The following COL9A1 variants were observed in gnomAD, a reference collection of about 807,000 sequenced individuals.
COL9A1 encodes the protein collagen alpha-1(IX) chain.
In COL9A1, 104 loss-of-function variants were observed where a neutral mutation model predicts 142.6. The observed-to-expected ratio is 0.73, with a 90% CI of 0.62 to 0.86. The LOEUF is 0.86. Ranked by LOEUF, COL9A1 falls within the 40% of genes least tolerant of loss-of-function variation. The pLI, the probability that COL9A1 is intolerant of heterozygous loss-of-function variation, is 0.00. For missense variants in COL9A1, 1,210 were observed against 1,176.6 expected (o/e 1.03, Z -0.42); for synonymous variants, 466 against 396.0 (o/e 1.18, Z -2.10).
intron 5 of COL9A1, among the ~76,000 whole-genome samples, chr6:70,284,948 G>A (rs1206249739): frequency 6.6e-6 from 1 of 152,178 alleles, no homozygotes; most frequent in Non-Finnish European, 1.5e-5. Context: ...CCACAGTTGA[G>A]ATCACTGGAC....
chr6:70,217,116 A>G (rs765545489), intron 37 of COL9A1, 35 bp from the exon 38 acceptor site: 1 of 1,610,290 alleles, frequency 6.2e-7, no homozygotes, highest in East Asian at 2.2e-5. Context: ...TGTGAACAGG[A>G]GAATCCTCAT....
chr6:70,274,237 C>A (rs1772600743), intron 11 of COL9A1, among the ~76,000 whole-genome samples, 155 bp from the exon 12 acceptor site: 1 of 150,118 alleles, frequency 6.7e-6, no homozygotes, highest in South Asian at 2.1e-4. Context: ...GGTACATGTG[C>A]AGGATGTGCA....
intron 36 of COL9A1, among the ~76,000 whole-genome samples, chr6:70,228,484 A>G (rs1438653925): frequency 6.6e-6 from 1 of 152,178 alleles, no homozygotes; most frequent in Non-Finnish European, 1.5e-5. Flanking sequence ...GCACCTTGCA[A>G]TAAATTCTAT....
At chr6:70,240,577 G>GAA in intron 32 of COL9A1, 112 bp downstream of exon 32, 2 of 417,216 alleles carry the variant, frequency 4.8e-6, no homozygotes, top group Non-Finnish European at 8.0e-6. Flanking sequence ...CAGAAAATAA[G>GAA]AATATATATA....
chr6:70,288,502 C>T (rs1377662293), intron 5 of COL9A1, among the ~76,000 whole-genome samples: 2 of 152,154 alleles, frequency 1.3e-5, no homozygotes, highest in African/African-American at 4.8e-5. Context: ...CTGTTCAAAA[C>T]CACCTGGTAG....
In COL9A1 at chr6:70,269,623, A is replaced by T; in HGVS notation, c.1230+10T>A. 6.3e-7 allele frequency: 1 copy of T among 1,580,458 alleles called. No homozygotes were observed. Among genetic ancestry groups the T allele is most frequent in the Non-Finnish European group, 8.7e-7 (1 of 1,149,140 alleles). ...TAAAACTATATTTTGTTCAAAGGAA[A>T]GCATCTTACCAATGGATCTCCATCA... On this transcript the variant is annotated intron_variant, in intron 16 of 37. Transcript: ENST00000357250.
intron 21 of COL9A1, 95 bp from the exon 22 acceptor site, chr6:70,255,485 A>T (rs1771223434): frequency 2.0e-5 from 21 of 1,050,450 alleles, no homozygotes; most frequent in Non-Finnish European, 2.9e-5. Flanking sequence ...CCAAACTATT[A>T]GTCTTCCACC....
At chr6:70,220,798 T>G (rs1479857769) in intron 37 of COL9A1, among the ~76,000 whole-genome samples, 2 of 152,196 alleles carry the variant, frequency 1.3e-5, no homozygotes, top group African/African-American at 4.8e-5. Flanking sequence ...GCTTTGTAAC[T>G]CTTCAGAAAG....
intron 10 of COL9A1, among the ~76,000 whole-genome samples, chr6:70,277,231 C>T (rs1009837997): frequency 6.6e-6 from 1 of 151,738 alleles, no homozygotes; most frequent in Non-Finnish European, 1.5e-5. Context: ...GAGCATGTCA[C>T]AACAAATAGT....
intron 36 of COL9A1, among the ~76,000 whole-genome samples, chr6:70,231,563 CA>C (rs3842610): frequency 5.4e-5 from 8 of 149,260 alleles, no homozygotes; most frequent in East Asian, 2.0e-4. Context: ...CTGAACACGC[CA>C]AAAAAAAATG....
chr6:70,263,641 CATTT>C (rs1289986210), intron 18 of COL9A1, among the ~76,000 whole-genome samples: 4 of 151,758 alleles, frequency 2.6e-5, no homozygotes, highest in African/African-American at 9.7e-5. Flanking sequence ...TAAAGTTACT[CATTT>C]ATGTTCCAAG....
chr6:70,252,134 G>T lies in COL9A1; in HGVS notation c.1858C>A (p.Pro620Thr), dbSNP rs369044557. ...GPPGEVGPRG[P>T]QGLPGSRGEL... ...GGAATACTCACAGGAAGCCCCTGGG[G>T]TCCTCGGGGTCCCACCTCTCCTGGA... is the stretch of plus-strand genomic sequence containing the variant. Residue 620 changes from proline (P) to threonine (T), a missense_variant, in exon 28 of 38, where the codon CCC (proline) becomes ACC (threonine). Pro to Thr is a conservative substitution (Grantham distance 38). Transcript: ENST00000357250. The T allele has an allele frequency of 6.2e-7, 1 of 1,614,094 alleles. No homozygotes were observed. Among genetic ancestry groups the T allele is most frequent in the African/African-American group, 1.3e-5 (1 of 75,048 alleles).
chr6:70,283,834 G>T lies in COL9A1; in HGVS notation c.697-14C>A. 1 of 1,592,074 alleles carries T rather than the reference G, an allele frequency of 6.3e-7. No individual in the cohort carries two copies. The highest frequency in any genetic ancestry group is 8.6e-7 in the Non-Finnish European group (1 of 1,166,258). On this transcript the variant is annotated splice_polypyrimidine_tract_variant and intron_variant, in intron 5 of 37. Transcript: ENST00000357250. ...TTGAAGTTCAAACTGGAGAAAGGTA[G>T]TAGACAGTCAGGTAAGGTTTTTTGG...
intron 24 of COL9A1, 68 bp from the exon 25 acceptor site, chr6:70,254,597 G>A: frequency 6.9e-7 from 1 of 1,447,434 alleles, no homozygotes; most frequent in East Asian, 2.3e-5. Flanking sequence ...AAGAAACGGA[G>A]GAGCACAGAC....
intron 18 of COL9A1, 27 bp from the exon 19 acceptor site, chr6:70,263,324 G>C: frequency 6.3e-7 from 1 of 1,595,874 alleles, no homozygotes; most frequent in African/African-American, 1.4e-5. Context: ...AAAAAGAAAA[G>C]CACACCAAAT....
chr6:70,256,522 C>T (rs1254178816), intron 21 of COL9A1, among the ~76,000 whole-genome samples: 5 of 151,886 alleles, frequency 3.3e-5, no homozygotes, highest in East Asian at 1.9e-4. Flanking sequence ...AAGGAAAACA[C>T]GCAAACATAA....
intron 14 of COL9A1, among the ~76,000 whole-genome samples, chr6:70,271,402 GGAC>G (rs1772392319): frequency 6.6e-6 from 1 of 152,036 alleles, no homozygotes; most frequent in Non-Finnish European, 1.5e-5. Flanking sequence ...TGTAAAATGA[GGAC>G]GACACTCTCT....
intron 28 of COL9A1, among the ~76,000 whole-genome samples, chr6:70,247,109 C>T (rs1434165619): frequency 1.3e-5 from 2 of 152,132 alleles, no homozygotes; most frequent in Admixed American, 6.5e-5. Context: ...ATGTTGTTTG[C>T]CTGTCAAATC....
At chr6:70,240,826 A>G in intron 31 of COL9A1, 93 bp from the exon 32 acceptor site, 1 of 960,788 alleles carries the variant, frequency 1.0e-6, no homozygotes, top group South Asian at 1.3e-5. Context: ...ATAAGTGCCC[A>G]CAGTGTTCCC....
Sources: gnomAD v4.1 joint callset for allele counts (sites outside exome capture counted in the v4.1 genomes callset) on GRCh38, gnomAD v4.1.1 for gene constraint, MANE v1.5 for transcripts, NCBI Gene and HGNC (gene_info 2026-07-23, HGNC 2026-07-21) for gene names.